Variants in WWOX observed in about 807,000 individuals in gnomAD.
WWOX encodes the protein WW domain containing oxidoreductase.
WWOX carries 69 observed loss-of-function variants against 46.2 expected under a neutral mutation model. That is an observed-to-expected ratio of 1.49 (90% CI 1.23 to 1.82). The LOEUF is 1.82. Among genes scored for constraint, WWOX ranks in the 40% most tolerant of loss-of-function variants. The probability of loss-of-function intolerance (pLI) is 0.00; values close to 1 mark genes in which losing one functional copy is unlikely to be tolerated. For synonymous variants in WWOX, 359 were observed against 202.6 expected, an observed-to-expected ratio of 1.77 and a Z score of -6.56; for missense variants, 919 against 542.6, an observed-to-expected ratio of 1.69 and a Z score of -6.89.
intron 8 of WWOX, among the ~76,000 whole-genome samples, chr16:78,465,481 G>GA (rs1263545584): frequency 1.3e-5 from 2 of 151,164 alleles, no homozygotes; most frequent in East Asian, 1.9e-4. Context: ...CACCCAGCCT[G>GA]GGGGAGGGTT....
intron 7 of WWOX, among the ~76,000 whole-genome samples, chr16:78,428,731 A>G (rs2083146027): frequency 6.6e-6 from 1 of 152,212 alleles, no homozygotes; most frequent in South Asian, 2.1e-4. Flanking sequence ...ATCACTGTGT[A>G]TGATGATAGT....
intron 8 of WWOX, among the ~76,000 whole-genome samples, chr16:78,494,682 T>C (rs781084366): frequency 6.6e-6 from 1 of 152,188 alleles, no homozygotes; most frequent in Non-Finnish European, 1.5e-5. Context: ...ATGGACAACA[T>C]ATCAGTCATT....
At chr16:78,473,825 C>A (rs1023756200) in intron 8 of WWOX, among the ~76,000 whole-genome samples, 1 of 152,132 alleles carries the variant, frequency 6.6e-6, no homozygotes, top group Non-Finnish European at 1.5e-5. Flanking sequence ...CTAAGATGAT[C>A]CAGCTGTTGC....
chr16:79,147,074 G>C (rs760848592), intron 8 of WWOX, among the ~76,000 whole-genome samples: 8 of 152,148 alleles, frequency 5.3e-5, no homozygotes, highest in Non-Finnish European at 8.8e-5. Context: ...ATCTTATTCA[G>C]ATTTCTCATT....
intron 8 of WWOX, among the ~76,000 whole-genome samples, chr16:78,779,680 C>G (rs894843627): frequency 6.6e-6 from 1 of 152,130 alleles, no homozygotes; most frequent in East Asian, 1.9e-4. Context: ...ATCAGTGATG[C>G]GACTGGGATC....
intron 8 of WWOX, among the ~76,000 whole-genome samples, chr16:78,894,605 A>G (rs1880008832): frequency 6.6e-6 from 1 of 152,118 alleles, no homozygotes; most frequent in Admixed American, 6.6e-5. Flanking sequence ...CATGAAACAA[A>G]TTGATTAATG....
At chr16:78,111,438 G>A (rs1004675110) in intron 3 of WWOX, among the ~76,000 whole-genome samples, 2 of 152,220 alleles carry the variant, frequency 1.3e-5, no homozygotes, top group African/African-American at 4.8e-5. Flanking sequence ...AAGGGACATT[G>A]TGAGAAGTGA....
intron 8 of WWOX, among the ~76,000 whole-genome samples, chr16:78,687,370 A>G (rs1159403512): frequency 6.6e-6 from 1 of 152,220 alleles, no homozygotes; most frequent in African/African-American, 2.4e-5. Flanking sequence ...CGAAAATGCG[A>G]AAGTCCTTCA....
At chr16:78,474,837 G>T (rs898652064) in intron 8 of WWOX, among the ~76,000 whole-genome samples, 18 of 152,080 alleles carry the variant, frequency 1.2e-4, no homozygotes, top group African/African-American at 4.1e-4. Flanking sequence ...CACGATATGT[G>T]GTTCTTTGTG....
At chr16:78,848,569 C>A (rs1437147673) in intron 8 of WWOX, among the ~76,000 whole-genome samples, 1 of 152,088 alleles carries the variant, frequency 6.6e-6, no homozygotes, top group Admixed American at 6.5e-5. Flanking sequence ...GTACGGGGAA[C>A]CTGGCCTGGT....
At chr16:78,819,914 C>T (rs1040470735) in intron 8 of WWOX, among the ~76,000 whole-genome samples, 2 of 151,288 alleles carry the variant, frequency 1.3e-5, no homozygotes, top group Non-Finnish European at 3.0e-5. Flanking sequence ...CCTAGATGGA[C>T]TCATTATTTA....
chr16:79,071,242 A>T (rs1185910832), intron 8 of WWOX, among the ~76,000 whole-genome samples: 1 of 152,172 alleles, frequency 6.6e-6, no homozygotes. Context: ...TCCTAAGAGC[A>T]TTTATTATTA....
intron 8 of WWOX, among the ~76,000 whole-genome samples, chr16:78,437,567 G>C (rs1455645241): frequency 6.6e-6 from 1 of 150,982 alleles, no homozygotes; most frequent in Admixed American, 6.6e-5. Flanking sequence ...CCATGTCTCT[G>C]CCTCCCTCTT....
At chr16:78,450,866 A>G (rs1036179982) in intron 8 of WWOX, among the ~76,000 whole-genome samples, 9 of 152,232 alleles carry the variant, frequency 5.9e-5, no homozygotes, top group African/African-American at 1.9e-4. Context: ...ATTATATTTC[A>G]AAAGAATTAG....
chr16:78,575,127 A>G (rs1352240061), intron 8 of WWOX, among the ~76,000 whole-genome samples: 5 of 107,218 alleles, frequency 4.7e-5, no homozygotes, highest in Non-Finnish European at 9.7e-5. Flanking sequence ...CTTAAAGTTA[A>G]AATACGAAGA....
At chr16:79,190,245 G>C (rs1248548490) in intron 8 of WWOX, among the ~76,000 whole-genome samples, 1 of 151,958 alleles carries the variant, frequency 6.6e-6, no homozygotes, top group Non-Finnish European at 1.5e-5. Flanking sequence ...GGCTGGTCTC[G>C]AACTCCTGAC....
At chr16:78,304,258 C>T (rs921976351) in intron 5 of WWOX, among the ~76,000 whole-genome samples, 8 of 152,194 alleles carry the variant, frequency 5.3e-5, no homozygotes, top group African/African-American at 1.9e-4. Context: ...AATGCATAGG[C>T]CTTTAGCCTT....
At chr16:79,195,122 G>C (rs2051213297) in intron 8 of WWOX, among the ~76,000 whole-genome samples, 1 of 152,140 alleles carries the variant, frequency 6.6e-6, no homozygotes, top group African/African-American at 2.4e-5. Context: ...GGAGAAAACA[G>C]AGGCTCAGAC....
chr16:78,941,360 C>T (rs919138206), intron 8 of WWOX, among the ~76,000 whole-genome samples: 37 of 152,248 alleles, frequency 2.4e-4, no homozygotes, highest in South Asian at 6.2e-4. Context: ...CCAAGTTTCC[C>T]CGCCTTGGAA....
Sources: gnomAD v4.1 joint callset for allele counts (sites outside exome capture counted in the v4.1 genomes callset) on GRCh38, gnomAD v4.1.1 for gene constraint, MANE v1.5 for transcripts, NCBI Gene and HGNC (gene_info 2026-07-23, HGNC 2026-07-21) for gene names.